PACSIN2: variants seen among roughly 807,000 people sequenced by gnomAD.
PACSIN2 encodes the protein protein kinase C and casein kinase substrate in neurons 2.
Under a neutral mutation model 63.8 loss-of-function variants are expected in PACSIN2, and 25 were observed. The ratio of observed to expected loss-of-function variants is 0.39; its 90% CI spans 0.29 to 0.55. PACSIN2 has a LOEUF of 0.55. Among genes scored for constraint, PACSIN2 ranks in the 20% least tolerant of loss-of-function variants. The pLI, the probability that PACSIN2 is intolerant of heterozygous loss-of-function variation, is 0.62. For synonymous variants in PACSIN2, 255 were observed against 256.2 expected (o/e 1.00, Z 0.05); for missense variants, 518 against 646.9 (o/e 0.80, Z 2.16).
chr22:42,955,831 A>T (rs1933893300), intron 1 of PACSIN2, among the ~76,000 whole-genome samples: 1 of 152,228 alleles, frequency 6.6e-6, no homozygotes, highest in Admixed American at 6.5e-5. Flanking sequence ...GATACTGGTG[A>T]TCAGTCTACT....
chr22:42,932,515 G>A (rs1440917430), intron 1 of PACSIN2, among the ~76,000 whole-genome samples: 2 of 152,150 alleles, frequency 1.3e-5, no homozygotes, highest in Non-Finnish European at 2.9e-5. Context: ...CGACACACTT[G>A]GGGATCTTTA....
intron 2 of PACSIN2, among the ~76,000 whole-genome samples, chr22:42,898,522 C>A (rs1221727162): frequency 6.6e-6 from 1 of 152,136 alleles, no homozygotes; most frequent in Non-Finnish European, 1.5e-5. Context: ...CTGCCCACCT[C>A]AGCCTCCCAA....
intron 1 of PACSIN2, among the ~76,000 whole-genome samples, chr22:42,944,772 G>C (rs1933336039): frequency 6.6e-6 from 1 of 152,148 alleles, no homozygotes; most frequent in African/African-American, 2.4e-5. Context: ...AGGCAGAGTG[G>C]CACAGCGCAT....
At chr22:42,968,034 A>C (rs1920991024) in intron 1 of PACSIN2, among the ~76,000 whole-genome samples, 1 of 152,200 alleles carries the variant, frequency 6.6e-6, no homozygotes, top group South Asian at 2.1e-4. Context: ...GCAAGGTGGG[A>C]GTACTGCGCC....
At chr22:43,005,954 A>T (rs940329984) in intron 1 of PACSIN2, among the ~76,000 whole-genome samples, 44 of 147,190 alleles carry the variant, frequency 3.0e-4, no homozygotes, top group Non-Finnish European at 5.7e-4. Context: ...TGTCCTTACA[A>T]TTTTTTTTTT....
chr22:43,010,398 A>ATATATATATATATTTTTTTTTTT, intron 1 of PACSIN2, among the ~76,000 whole-genome samples: 20 of 126,408 alleles, frequency 1.6e-4, no homozygotes, highest in South Asian at 2.7e-4. Context: ...ATATATATAT[A>ATATATATATATATTTTTTTTTTT]TTTTTTTTTA....
At chr22:42,889,398 A>ACACACACACACACACACACACT (rs778420398) in intron 4 of PACSIN2, among the ~76,000 whole-genome samples, 55 of 151,410 alleles carry the variant, frequency 3.6e-4, no homozygotes, top group African/African-American at 1.1e-3. Flanking sequence ...ACACACACAC[A>ACACACACACACACACACACACT]CTCTTAACAG....
At chr22:42,955,892 G>C (rs914147502) in intron 1 of PACSIN2, among the ~76,000 whole-genome samples, 1 of 152,214 alleles carries the variant, frequency 6.6e-6, no homozygotes, top group Admixed American at 6.5e-5. Flanking sequence ...AGAGAAGATA[G>C]AGAAGTCATT....
At chr22:42,917,746 A>G (rs1044597479) in intron 1 of PACSIN2, among the ~76,000 whole-genome samples, 2 of 152,104 alleles carry the variant, frequency 1.3e-5, no homozygotes, top group Non-Finnish European at 2.9e-5. Context: ...TTAGTAAGCC[A>G]TGGTGGTTTA....
chr22:42,969,629 G>A (rs765349081), intron 1 of PACSIN2, among the ~76,000 whole-genome samples: 27 of 152,102 alleles, frequency 1.8e-4, no homozygotes, highest in African/African-American at 5.3e-4. Flanking sequence ...CTTCTCCTAC[G>A]TAGTTTCTAC....
At chr22:42,874,628 T>C (rs1481480292) in intron 10 of PACSIN2, among the ~76,000 whole-genome samples, 1 of 152,172 alleles carries the variant, frequency 6.6e-6, no homozygotes, top group Admixed American at 6.5e-5. Flanking sequence ...TCTCTGGCAG[T>C]TGGGGACCCC....
chr22:42,940,258 A>C (rs1178139798), intron 1 of PACSIN2, among the ~76,000 whole-genome samples: 2 of 152,226 alleles, frequency 1.3e-5, no homozygotes, highest in African/African-American at 4.8e-5. Flanking sequence ...ATTTTACACC[A>C]AAAATAGATT....
intron 1 of PACSIN2, among the ~76,000 whole-genome samples, chr22:42,965,598 AGT>A (rs1051289255): frequency 2.0e-5 from 3 of 152,196 alleles, no homozygotes; most frequent in African/African-American, 7.2e-5. Context: ...AAAAGATTAA[AGT>A]AAGTTCTGTG....
chr22:42,984,121 C>G (rs1465389004), intron 1 of PACSIN2, among the ~76,000 whole-genome samples: 1 of 151,940 alleles, frequency 6.6e-6, no homozygotes, highest in Non-Finnish European at 1.5e-5. Context: ...TAGGTGTGCA[C>G]CACCACATCT....
At chr22:42,931,604 A>C (rs1435662062) in intron 1 of PACSIN2, among the ~76,000 whole-genome samples, 2 of 152,254 alleles carry the variant, frequency 1.3e-5, no homozygotes, top group African/African-American at 4.8e-5. Context: ...CGAGGAAGGA[A>C]GGAGGAACTG....
chr22:43,004,856 G>A (rs908627435), intron 1 of PACSIN2, among the ~76,000 whole-genome samples: 1 of 152,184 alleles, frequency 6.6e-6, no homozygotes, highest in East Asian at 1.9e-4. Flanking sequence ...GTCCTGGCAG[G>A]TGGCCTCAGG....
At chr22:42,950,612 T>G (rs941430479) in intron 1 of PACSIN2, among the ~76,000 whole-genome samples, 1 of 152,188 alleles carries the variant, frequency 6.6e-6, no homozygotes, top group Non-Finnish European at 1.5e-5. Flanking sequence ...CCCAGCCAAC[T>G]AGTGCAAAGT....
At chr22:42,966,402 C>T (rs549942134) in intron 1 of PACSIN2, among the ~76,000 whole-genome samples, 25 of 150,434 alleles carry the variant, frequency 1.7e-4, no homozygotes, top group Admixed American at 4.0e-4. Flanking sequence ...TCATCCAACA[C>T]GTGTACATAA....
chr22:43,000,961 C>T (rs1923729400), intron 1 of PACSIN2, among the ~76,000 whole-genome samples: 1 of 152,138 alleles, frequency 6.6e-6, no homozygotes, highest in Non-Finnish European at 1.5e-5. Context: ...AGCTCTGGGC[C>T]CCAACAAGCA....
Sources: allele counts gnomAD v4.1 joint callset (sites outside exome capture counted in the v4.1 genomes callset), GRCh38; gene constraint gnomAD v4.1.1; transcripts MANE v1.5; gene names NCBI Gene and HGNC (gene_info 2026-07-23, HGNC 2026-07-21).